The following WDPCP variants were observed in gnomAD, a reference collection of about 807,000 sequenced individuals.
WDPCP encodes WD repeat-containing and planar cell polarity effector protein fritz homolog.
A neutral mutation model predicts 93.1 loss-of-function variants in WDPCP; 71 were observed. That is an observed-to-expected ratio of 0.76 (90% CI 0.63 to 0.93). The LOEUF (loss-of-function observed/expected upper bound fraction) is 0.93, where lower values mean the gene tolerates loss of function less well. Among genes scored for constraint, WDPCP ranks in the 40% least tolerant of loss-of-function variants. The pLI is 0.00. For missense variants in WDPCP, 844 were observed against 887.4 expected, an observed-to-expected ratio of 0.95 and a Z score of 0.62; for synonymous variants, 315 against 315.0, an observed-to-expected ratio of 1.00 and a Z score of 0.00.
intron 1 of WDPCP, among the ~76,000 whole-genome samples, chr2:63,548,634 T>G (rs1705332070): frequency 6.6e-6 from 1 of 151,974 alleles, no homozygotes; most frequent in African/African-American, 2.4e-5. Flanking sequence ...AATGTTAAGG[T>G]ACTTTGATCA....
chr2:63,790,208 T>C (rs1311748186), intron 2 of WDPCP, among the ~76,000 whole-genome samples: 1 of 152,102 alleles, frequency 6.6e-6, no homozygotes, highest in Admixed American at 6.6e-5. Flanking sequence ...ATGGGAGAGA[T>C]GGGGTAGCCA....
At chr2:63,237,081 A>T (rs1387827962) in intron 14 of WDPCP, among the ~76,000 whole-genome samples, 1 of 151,768 alleles carries the variant, frequency 6.6e-6, no homozygotes, top group Non-Finnish European at 1.5e-5. Flanking sequence ...TACAAACTAC[A>T]CCTCCAACAA....
At chr2:63,412,433 G>C (rs1415643923) in intron 9 of WDPCP, among the ~76,000 whole-genome samples, 1 of 152,050 alleles carries the variant, frequency 6.6e-6, no homozygotes, top group African/African-American at 2.4e-5. Context: ...ATACTGAATG[G>C]GGAAAAGTTG....
At chr2:63,776,223 A>AG (rs1347925829) in intron 2 of WDPCP, among the ~76,000 whole-genome samples, 9 of 152,266 alleles carry the variant, frequency 5.9e-5, no homozygotes, top group African/African-American at 2.2e-4. Flanking sequence ...ACCGACAGGA[A>AG]GAAAATATTT....
chr2:63,298,067 C>T (rs1458629331), intron 13 of WDPCP, among the ~76,000 whole-genome samples: 2 of 152,134 alleles, frequency 1.3e-5, no homozygotes, highest in African/African-American at 4.8e-5. Flanking sequence ...TTTACACTCT[C>T]CCAGTGAATA....
At chr2:63,369,561 A>C (rs1191420198) in intron 12 of WDPCP, 2 of 455,790 alleles carry the variant, frequency 4.4e-6, no homozygotes, top group Non-Finnish European at 8.8e-6. Context: ...TTGGGCAGAA[A>C]ACACATTTTG....
chr2:63,783,981 C>G (rs934958659), intron 2 of WDPCP, among the ~76,000 whole-genome samples: 1 of 152,184 alleles, frequency 6.6e-6, no homozygotes, highest in African/African-American at 2.4e-5. Flanking sequence ...TACCAAATCT[C>G]CAGCACCGTT....
intron 1 of WDPCP, among the ~76,000 whole-genome samples, chr2:63,816,731 A>C (rs931149437): frequency 1.3e-5 from 2 of 152,192 alleles, no homozygotes; most frequent in African/African-American, 4.8e-5. Flanking sequence ...CAGCCCTAGG[A>C]AACTAATACA....
chr2:63,325,323 G>A (rs1245063228), intron 12 of WDPCP, among the ~76,000 whole-genome samples: 6 of 152,126 alleles, frequency 3.9e-5, no homozygotes, highest in Admixed American at 2.0e-4. Flanking sequence ...GTCCATGTCC[G>A]CTATGCTGAG....
intron 2 of WDPCP, among the ~76,000 whole-genome samples, chr2:63,722,425 C>T (rs1669431710): frequency 3.3e-5 from 5 of 151,304 alleles, no homozygotes; most frequent in Admixed American, 3.3e-4. Context: ...GCCGCGACCC[C>T]ATCTGGGAGG....
At chr2:63,191,099 T>G (rs1179947707) in intron 14 of WDPCP, among the ~76,000 whole-genome samples, 1 of 152,204 alleles carries the variant, frequency 6.6e-6, no homozygotes, top group Non-Finnish European at 1.5e-5. Flanking sequence ...ACTTAAAAAT[T>G]GGGACATTTA....
At chr2:63,769,034 AACT>A (rs1178578280) in intron 2 of WDPCP, among the ~76,000 whole-genome samples, 1 of 151,990 alleles carries the variant, frequency 6.6e-6, no homozygotes, top group East Asian at 1.9e-4. Context: ...TTCTTGGAAG[AACT>A]ACTCTGAGTT....
intron 2 of WDPCP, among the ~76,000 whole-genome samples, chr2:63,713,935 T>C (rs559532822): frequency 7.9e-5 from 12 of 152,196 alleles, no homozygotes; most frequent in Non-Finnish European, 1.8e-4. Flanking sequence ...CTGATATTTA[T>C]AGAGATTGTG....
At chr2:63,146,987 A>C (rs895365561) in intron 17 of WDPCP, among the ~76,000 whole-genome samples, 3 of 152,212 alleles carry the variant, frequency 2.0e-5, no homozygotes, top group Non-Finnish European at 4.4e-5. Context: ...CTGAGAAGGT[A>C]CCTAAGCCTG....
rs547258190 is a variant in WDPCP at position 63,717,032 on chromosome 2, G to A, written n.309-66194C>T. On this transcript the variant is annotated intron_variant and non_coding_transcript_variant, in intron 2 of 4. Coordinates refer to the WDPCP transcript ENST00000467687. ...CCTTTCAACCTTGTCCACTTCATCGGTATGACCTCTGGAGAGGCAGTGGTG... is the reference window on the plus strand; with the variant it reads ...CCTTTCAACCTTGTCCACTTCATCGATATGACCTCTGGAGAGGCAGTGGTG... The A allele has an allele frequency of 1.7e-5, 4 of 238,598 alleles. No individual in the cohort carries two copies. In the South Asian group the frequency reaches 1.8e-4, roughly 11 times the overall value. The allele number at this position is 238,598 out of a possible 1,614,324, so 14.8% of individuals were successfully genotyped here. A position where few individuals can be genotyped will look rare whatever the true frequency, so the allele number is the denominator to read the frequency against.
At chr2:63,647,201 A>G (rs1238640986) in intron 3 of WDPCP, among the ~76,000 whole-genome samples, 1 of 152,074 alleles carries the variant, frequency 6.6e-6, no homozygotes, top group Non-Finnish European at 1.5e-5. Flanking sequence ...GCAATGGTGC[A>G]GTCTTGGCTC....
chr2:63,522,523 G>A (rs985838001), intron 1 of WDPCP, among the ~76,000 whole-genome samples: 4 of 147,972 alleles, frequency 2.7e-5, no homozygotes, highest in Admixed American at 6.7e-5. Flanking sequence ...ATGAATCCAG[G>A]AGCTGGTTCC....
chr2:63,187,296 T>G (rs779262257), intron 14 of WDPCP, among the ~76,000 whole-genome samples: 2 of 152,310 alleles, frequency 1.3e-5, no homozygotes, highest in Admixed American at 1.3e-4. Flanking sequence ...TGGATCCTAT[T>G]TTTATTTTTT....
intron 10 of WDPCP, among the ~76,000 whole-genome samples, chr2:63,395,066 A>AC (rs1306092361): frequency 6.6e-6 from 1 of 152,148 alleles, no homozygotes; most frequent in Non-Finnish European, 1.5e-5. Context: ...GTATTGACAT[A>AC]ATGACCTACT....
Sources: allele counts gnomAD v4.1 joint callset (sites outside exome capture counted in the v4.1 genomes callset), GRCh38; gene constraint gnomAD v4.1.1; transcripts MANE v1.5; gene names NCBI Gene and HGNC (gene_info 2026-07-23, HGNC 2026-07-21).